Variants in EIF3E observed in about 807,000 individuals in gnomAD.
The protein encoded by EIF3E is eukaryotic translation initiation factor 3 subunit E, also known as eIF-3 p48.
In EIF3E, 25 loss-of-function variants were observed where a neutral mutation model predicts 59.3. The observed-to-expected ratio is 0.42, with a 90% confidence interval of 0.31 to 0.59. The LOEUF is 0.59. Ranked by LOEUF, EIF3E falls within the 20% of genes least tolerant of loss-of-function variation. EIF3E has a pLI of 0.15. For synonymous variants in EIF3E, 176 were observed against 170.2 expected (o/e 1.03, Z -0.26); for missense variants, 317 against 534.3 (o/e 0.59, Z 4.01).
chr8:108,224,792 A>G (rs73306530), intron 7 of EIF3E, among the ~76,000 whole-genome samples: 11,484 of 151,366 alleles, frequency 0.076, 1,808 homozygotes, highest in African/African-American at 0.26. Flanking sequence ...AAAAATTACT[A>G]AACTATAAAC....
At chr8:108,208,864 A>G (rs971872634) in intron 10 of EIF3E, among the ~76,000 whole-genome samples, 5 of 152,140 alleles carry the variant, frequency 3.3e-5, no homozygotes, top group African/African-American at 1.2e-4. Context: ...GACACATACC[A>G]TAGCTGATAA....
intron 10 of EIF3E, among the ~76,000 whole-genome samples, chr8:108,211,296 G>C (rs1015985725): frequency 6.6e-6 from 1 of 152,086 alleles, no homozygotes; most frequent in African/African-American, 2.4e-5. Context: ...ATTCTAACTG[G>C]TGTGAGATGG....
At chr8:108,210,971 C>T (rs1169636715) in intron 10 of EIF3E, among the ~76,000 whole-genome samples, 2 of 152,180 alleles carry the variant, frequency 1.3e-5, no homozygotes, top group Non-Finnish European at 2.9e-5. Flanking sequence ...GTATATGTGT[C>T]ACATTTTCTT....
At chr8:108,226,632 T>C (rs1295894790) in intron 7 of EIF3E, among the ~76,000 whole-genome samples, 2 of 152,208 alleles carry the variant, frequency 1.3e-5, no homozygotes, top group African/African-American at 4.8e-5. Context: ...GGCTTTTCAG[T>C]GTATATCTAT....
Position 108,235,006 on chromosome 8 carries a change from T to TA in EIF3E, c.462dup (p.Arg155Ter). ...CATGTACTTATACTTACCAGCACTC[T>TA]AAAAAAATAAAGATATTCTGCTGCT... On this transcript the variant is annotated frameshift_variant, in exon 5 of 13. Transcript: ENST00000220849. LOFTEE classifies it high-confidence loss of function. 1 of 1,480,518 alleles carries TA rather than the reference T, an allele frequency of 6.8e-7. No individual in the cohort carries two copies. Among genetic ancestry groups the TA allele is most frequent in the Non-Finnish European group, 9.3e-7 (1 of 1,077,240 alleles). 91.7% of individuals were successfully genotyped at this position (1,480,518 alleles called of 1,614,324 possible).
chr8:108,223,028 C>T (rs1272048673), intron 7 of EIF3E, among the ~76,000 whole-genome samples: 1 of 151,808 alleles, frequency 6.6e-6, no homozygotes, highest in Non-Finnish European at 1.5e-5. Context: ...TAAAATATGC[C>T]ACCAAATTAA....
intron 10 of EIF3E, among the ~76,000 whole-genome samples, chr8:108,213,752 G>A (rs541059933): frequency 6.6e-6 from 1 of 152,266 alleles, no homozygotes; most frequent in South Asian, 2.1e-4. Flanking sequence ...GCAAGCTACA[G>A]TAAAGTGCTA....
rs994572799 is a variant in EIF3E at position 108,204,658 on chromosome 8, C to T, written c.1062-1155G>A. On this transcript the variant is annotated intron_variant, in intron 10 of 12. Transcript: ENST00000220849. ...CTCAGGAAAACATAAATAAAACTGA[C>T]GGGCATTGTGTATATTTGTGCTATA... Among the ~76,000 whole-genome samples, 10 of 150,706 alleles carry T rather than the reference C, an allele frequency of 6.6e-5. No individual in the cohort carries two copies. The East Asian group carries it at 9.7e-4, about 15-fold the overall frequency.
intron 10 of EIF3E, 131 bp downstream of exon 10, chr8:108,214,476 A>G: frequency 1.4e-6 from 1 of 720,618 alleles, no homozygotes; most frequent in South Asian, 2.6e-5. Flanking sequence ...AAATTGTTTC[A>G]TTGTTCTTCT....
intron 7 of EIF3E, among the ~76,000 whole-genome samples, chr8:108,223,198 G>T (rs1160625447): frequency 1.3e-5 from 2 of 152,132 alleles, no homozygotes; most frequent in African/African-American, 4.8e-5. Flanking sequence ...AAAATACACT[G>T]AAATGACTTC....
At chr8:108,230,449 A>C (rs909826934) in intron 5 of EIF3E, among the ~76,000 whole-genome samples, 1 of 152,028 alleles carries the variant, frequency 6.6e-6, no homozygotes, top group East Asian at 1.9e-4. Flanking sequence ...AGATTTACAT[A>C]TATTTACATA....
At chr8:108,232,436 A>C (rs961048332) in intron 5 of EIF3E, among the ~76,000 whole-genome samples, 1 of 152,188 alleles carries the variant, frequency 6.6e-6, no homozygotes, top group Non-Finnish European at 1.5e-5. Flanking sequence ...GAGTTCCAGC[A>C]CAAGATTTGT....
intron 3 of EIF3E, among the ~76,000 whole-genome samples, chr8:108,239,005 T>C (rs371382358): frequency 6.6e-6 from 1 of 152,120 alleles, no homozygotes; most frequent in East Asian, 1.9e-4. Context: ...CGTCTATTTG[T>C]AGGTAAAGGG....
chr8:108,221,907 T>G (rs917656933), intron 7 of EIF3E, among the ~76,000 whole-genome samples: 2 of 152,188 alleles, frequency 1.3e-5, no homozygotes, highest in African/African-American at 4.8e-5. Flanking sequence ...ATTATTATTC[T>G]TTTCACATTT....
intron 10 of EIF3E, among the ~76,000 whole-genome samples, chr8:108,208,525 A>G (rs1489664827): frequency 2.6e-5 from 4 of 152,126 alleles, no homozygotes; most frequent in Non-Finnish European, 4.4e-5. Context: ...TCTCTTTATA[A>G]TCTTATAAAT....
intron 10 of EIF3E, among the ~76,000 whole-genome samples, chr8:108,210,692 A>G (rs1161463265): frequency 1.3e-5 from 2 of 152,124 alleles, no homozygotes; most frequent in South Asian, 2.1e-4. Flanking sequence ...GGTGTGCTGC[A>G]CCCATTAACT....
intron 1 of EIF3E, among the ~76,000 whole-genome samples, chr8:108,245,318 A>C (rs1289119342): frequency 6.6e-6 from 1 of 152,048 alleles, no homozygotes; most frequent in Non-Finnish European, 1.5e-5. Flanking sequence ...ATACAAAAAA[A>C]ATCAGCCGGA....
intron 9 of EIF3E, among the ~76,000 whole-genome samples, chr8:108,215,141 G>A (rs975625276): frequency 1.3e-5 from 2 of 152,144 alleles, no homozygotes; most frequent in Admixed American, 1.3e-4. Flanking sequence ...GTGTAATTAA[G>A]AGAGAATATT....
At chr8:108,245,445 G>C (rs534126849) in intron 1 of EIF3E, among the ~76,000 whole-genome samples, 1 of 152,298 alleles carries the variant, frequency 6.6e-6, no homozygotes, top group East Asian at 1.9e-4. Flanking sequence ...CTCCAGCTTA[G>C]GTGACAAAGC....
Sources: gnomAD v4.1 joint callset for allele counts (sites outside exome capture counted in the v4.1 genomes callset) on GRCh38, gnomAD v4.1.1 for gene constraint, MANE v1.5 for transcripts, NCBI Gene and HGNC (gene_info 2026-07-23, HGNC 2026-07-21) for gene names.